The following PI4KB variants were observed in gnomAD, a reference collection of about 807,000 sequenced individuals.
The protein encoded by PI4KB is phosphatidylinositol 4-kinase beta, also known as PtdIns 4-kinase beta.
A neutral mutation model predicts 81.4 loss-of-function variants in PI4KB; 23 were observed. The ratio of observed to expected loss-of-function variants is 0.28; its 90% CI spans 0.20 to 0.40. The LOEUF is 0.40. Among genes scored for constraint, PI4KB ranks in the 10% least tolerant of loss-of-function variants. The probability of loss-of-function intolerance (pLI) is 1.00; values close to 1 mark genes in which losing one functional copy is unlikely to be tolerated. For missense variants in PI4KB, 651 were observed against 1,036.6 expected, an observed-to-expected ratio of 0.63 and a Z score of 5.11; for synonymous variants, 381 against 406.8, an observed-to-expected ratio of 0.94 and a Z score of 0.76.
chr1:151,318,953 C>G (rs781208540), intron 1 of PI4KB, among the ~76,000 whole-genome samples: 3 of 152,072 alleles, frequency 2.0e-5, no homozygotes, highest in Non-Finnish European at 4.4e-5. Flanking sequence ...TCTCCAGTGC[C>G]GTGGCTGCTA....
At position 151,298,938 on chromosome 1, in the gene PI4KB, A is replaced by C. The variant is rs749628103; in HGVS notation, c.1885T>G (p.Ser629Ala). The C allele has an allele frequency of 1.2e-6, 2 of 1,614,206 alleles. No individual in the cohort carries two copies. Among genetic ancestry groups the C allele is most frequent in the Non-Finnish European group, 8.5e-7 (1 of 1,180,036 alleles). Residue 629 changes from serine (S) to alanine (A), a missense_variant, in exon 9 of 12, where the codon TCC (serine) becomes GCC (alanine). Around this residue, in one of 5 missense-constraint regions of PI4KB, gnomAD observed 246 missense variants for 430.1 expected, o/e 0.57. Transcript: ENST00000368873. ...IHQVKKQSQL[S>A]LLDYFLQEHG... is the part of the protein sequence containing the mutation. ...TCCTGTAGGAAGTAATCGAGCAAGG[A>C]GAGCTGTGACTGTTTCTTCACCTGA...
Position 151,307,794 on chromosome 1 carries a change from C to A in PI4KB, c.962G>T (p.Arg321Leu). 1 of 1,612,948 alleles carries A rather than the reference C, an allele frequency of 6.2e-7. No individual in the cohort carries two copies. Among genetic ancestry groups the A allele is most frequent in the South Asian group, 1.1e-5 (1 of 91,034 alleles). The change falls in exon 4 of 12, where the codon CGA becomes CTA. Residue 321 changes from arginine to leucine, a missense_variant. Transcript: ENST00000368873. ...GATGAATTCTCTCTCAGGAGCCAGTCGAACAGGCTACAGGGGTTTGGGGTA... is the reference window on the plus strand; with the variant it reads ...GATGAATTCTCTCTCAGGAGCCAGTAGAACAGGCTACAGGGGTTTGGGGTA... ...SIDNSFSSPV[R>L]LAPEREFIKS...
chr1:151,301,438 C>T (rs959719591), intron 8 of PI4KB, among the ~76,000 whole-genome samples: 2 of 152,038 alleles, frequency 1.3e-5, no homozygotes, highest in African/African-American at 4.8e-5. Flanking sequence ...CGTTCTGTCG[C>T]CCAGGCTGGA....
chr1:151,319,130 G>A (rs776022980), intron 1 of PI4KB, among the ~76,000 whole-genome samples: 7 of 152,070 alleles, frequency 4.6e-5, no homozygotes, highest in Non-Finnish European at 8.8e-5. Flanking sequence ...ATACCATCAC[G>A]TGTATGAAAG....
At chr1:151,294,281 T>C in intron 10 of PI4KB, 128 bp downstream of exon 10, 1 of 1,465,980 alleles carries the variant, frequency 6.8e-7, no homozygotes, top group Non-Finnish European at 9.2e-7. Flanking sequence ...TCCCAGGAAC[T>C]CCTGCCTCAC....
chr1:151,301,965 C>T lies in PI4KB; in HGVS notation c.1628G>A (p.Arg543Gln), dbSNP rs1207384521. The T allele has an allele frequency of 1.2e-6, 2 of 1,613,474 alleles. No individual in the cohort carries two copies. The highest frequency in any genetic ancestry group is 1.7e-5 in the Admixed American group (1 of 60,024). ...GCCGTAGGGGGAGCCCTCTCTGATC[C>T]GCCTGTGAAGACAGAAGTAAAGGGT... Reference protein sequence around the residue: ...LKEPWQEKVRRIREGSPYGHL... With the variant: ...LKEPWQEKVRQIREGSPYGHL... The change falls in exon 8 of 12, where the codon CGG (arginine) becomes CAG (glutamine). Residue 543 changes from arginine (R) to glutamine (Q), a missense_variant and splice_region_variant. Coordinates refer to ENST00000368873, the MANE Select transcript of PI4KB (RefSeq NM_001369623.2).
chr1:151,316,059 G>C lies in PI4KB; in HGVS notation c.423C>G (p.Ile141Met). 1 of 1,614,112 alleles carries C rather than the reference G, an allele frequency of 6.2e-7. No homozygotes were observed. The highest frequency in any genetic ancestry group is 8.5e-7 in the Non-Finnish European group (1 of 1,180,002). The stretch of plus-strand genomic sequence containing the variant: ...TATACAGGTATGAAATGGCCATGGA[G>C]ATGTCAAACAGTTTTGACTCAAACA... ...LRLFESKLFD[I>M]SMAISYLYNS... Residue 141 changes from isoleucine (I) to methionine (M), a missense_variant, in exon 2 of 12, where the codon ATC (isoleucine) becomes ATG (methionine). Ile to Met is a conservative substitution (Grantham distance 10, BLOSUM62 1). Transcript: ENST00000368873.
At position 151,298,791 on chromosome 1, in the gene PI4KB, C is replaced by T; in HGVS notation, c.2015+17G>A. On this transcript the variant is annotated intron_variant, in intron 9 of 11. Coordinates refer to ENST00000368873, the MANE Select transcript of PI4KB (RefSeq NM_001369623.2). ...AACCCTGGAGAAATGTTAGGATGAGCAGCAGAAGTCACCTACCTGTCCTTG... is the reference window on the plus strand; with the variant it reads ...AACCCTGGAGAAATGTTAGGATGAGTAGCAGAAGTCACCTACCTGTCCTTG... 6.2e-7 allele frequency: 1 copy of T among 1,605,968 alleles called. No homozygotes were observed. The highest frequency in any genetic ancestry group is 8.5e-7 in the Non-Finnish European group (1 of 1,174,126).
intron 1 of PI4KB, among the ~76,000 whole-genome samples, chr1:151,318,671 C>T (rs909312293): frequency 2.1e-4 from 32 of 152,084 alleles, no homozygotes; most frequent in African/African-American, 7.5e-4. Flanking sequence ...GAGATCGCAC[C>T]GCTGCACTCC....
At chr1:151,309,603 A>C (rs1696044847) in intron 3 of PI4KB, among the ~76,000 whole-genome samples, 1 of 152,188 alleles carries the variant, frequency 6.6e-6, no homozygotes, top group African/African-American at 2.4e-5. Context: ...GGAACAAGAA[A>C]GGAGAGGGGA....
chr1:151,301,076 CTATGGCTGTTCT>C (rs1300499292), intron 8 of PI4KB: 2 of 152,358 alleles, frequency 1.3e-5, no homozygotes, highest in Non-Finnish European at 2.9e-5. Flanking sequence ...GGAGCTGTTC[CTATGGCTGTTCT>C]TCCCAGGGGA....
chr1:151,315,299 T>C (rs1466693086), intron 2 of PI4KB, among the ~76,000 whole-genome samples: 2 of 152,110 alleles, frequency 1.3e-5, no homozygotes, highest in African/African-American at 4.8e-5. Flanking sequence ...TAAAAATGAT[T>C]TGGGACACAG....
chr1:151,326,025 T>A (rs1205872646), intron 1 of PI4KB: 9 of 783,902 alleles, frequency 1.1e-5, no homozygotes, highest in Non-Finnish European at 2.0e-5. Context: ...CAGGCCTGAA[T>A]TCTTATGGAA....
At chr1:151,296,187 C>T (rs1369285055) in intron 9 of PI4KB, among the ~76,000 whole-genome samples, 3 of 152,158 alleles carry the variant, frequency 2.0e-5, no homozygotes, top group Admixed American at 2.0e-4. Flanking sequence ...GCAGAGGTTA[C>T]AGTGAGCCGA....
intron 2 of PI4KB, among the ~76,000 whole-genome samples, chr1:151,315,304 A>T (rs1404775191): frequency 6.6e-6 from 1 of 151,646 alleles, no homozygotes. Context: ...ATGATTTGGG[A>T]CACAGTCAGG....
intron 5 of PI4KB, among the ~76,000 whole-genome samples, chr1:151,305,915 C>CA (rs1695719011): frequency 6.6e-6 from 1 of 152,214 alleles, no homozygotes; most frequent in Non-Finnish European, 1.5e-5. Context: ...CTCCTCTTTA[C>CA]ATTTAAATCT....
intron 2 of PI4KB, among the ~76,000 whole-genome samples, chr1:151,314,899 C>G (rs1263323079): frequency 2.6e-5 from 4 of 152,152 alleles, no homozygotes; most frequent in South Asian, 2.1e-4. Flanking sequence ...GTAGCTATCT[C>G]AAGTCTCAGG....
rs553176662 is a variant in PI4KB, at chr1:151,320,328, C to T, written c.-28-3819G>A. Among the ~76,000 whole-genome samples, 10 of 152,316 alleles carry T rather than the reference C, an allele frequency of 6.6e-5. No individual in the cohort carries two copies. In the East Asian group the frequency reaches 7.7e-4, roughly 12 times the overall value. On this transcript the variant is annotated intron_variant, in intron 1 of 11. Transcript: ENST00000368873. ...GATTACAGGTGTGAGCTGCCGCGCC[C>T]GGCCCCAGGTTACTTTTAACTGCCC...
At chr1:151,302,066 A>C in intron 7 of PI4KB, 99 bp from the exon 8 acceptor site, 6 of 1,591,044 alleles carry the variant, frequency 3.8e-6, no homozygotes, top group Non-Finnish European at 5.2e-6. Context: ...CCCATAGGGC[A>C]AGGACCCAGA....
Sources: gnomAD v4.1 joint callset for allele counts (sites outside exome capture counted in the v4.1 genomes callset) on GRCh38, gnomAD v4.1.1 for gene constraint, gnomAD v4.1.1 regional missense constraint, MANE v1.5 for transcripts, NCBI Gene and HGNC (gene_info 2026-07-23, HGNC 2026-07-21) for gene names.